EVL: variants seen among roughly 807,000 people sequenced by gnomAD.
EVL encodes the protein ena/VASP-like protein.
A neutral mutation model predicts 59.6 loss-of-function variants in EVL; 21 were observed. That is an observed-to-expected ratio of 0.35 (90% CI 0.25 to 0.51). The LOEUF (loss-of-function observed/expected upper bound fraction) is 0.51, where lower values mean the gene tolerates loss of function less well. EVL is among the 20% of genes least tolerant of loss of function. The pLI is 0.97. For synonymous variants in EVL, 198 were observed against 203.5 expected, an observed-to-expected ratio of 0.97 and a Z score of 0.23; for missense variants, 462 against 546.6, an observed-to-expected ratio of 0.85 and a Z score of 1.54.
At chr14:100,104,922 T>C (rs1314916432) in intron 3 of EVL, among the ~76,000 whole-genome samples, 1 of 147,932 alleles carries the variant, frequency 6.8e-6, no homozygotes, top group Non-Finnish European at 1.5e-5. Context: ...TTTTTTTTTT[T>C]TTTTTTAACT....
intron 1 of EVL, among the ~76,000 whole-genome samples, chr14:99,976,878 T>C (rs1042979348): frequency 6.6e-6 from 1 of 152,238 alleles, no homozygotes; most frequent in African/African-American, 2.4e-5. Flanking sequence ...CCTCAAACAC[T>C]GAGCTCACTT....
At chr14:100,016,558 A>C (rs890780392) in intron 1 of EVL, among the ~76,000 whole-genome samples, 8 of 152,182 alleles carry the variant, frequency 5.3e-5, no homozygotes, top group Non-Finnish European at 1.2e-4. Flanking sequence ...GCCTGGGCAA[A>C]AGAGCGAGAC....
chr14:100,132,738 T>A lies in EVL; in HGVS notation c.859T>A (p.Ser287Thr), dbSNP rs762755111. 2 of 1,614,086 alleles carry A rather than the reference T, an allele frequency of 1.2e-6. No homozygotes were observed. Among genetic ancestry groups the A allele is most frequent in the Non-Finnish European group, 1.7e-6 (2 of 1,180,012 alleles). ...LAKRRKAASQSDKPAEKKEDE... is the reference protein window; with the variant it reads ...LAKRRKAASQTDKPAEKKEDE... Reference sequence around the variant, plus strand: ...GCCTAGGAGAAAAGCAGCCTCCCAGTCAGACAAGCCAGCCGAGAAGAAGGA... The same window carrying A: ...GCCTAGGAGAAAAGCAGCCTCCCAGACAGACAAGCCAGCCGAGAAGAAGGA... Residue 287 changes from serine to threonine, a missense_variant, in exon 8 of 14, where the codon TCA (serine) becomes ACA (threonine). Ser to Thr is a moderately conservative substitution (Grantham distance 58, BLOSUM62 1). Transcript: ENST00000392920.
At position 100,123,526 on chromosome 14, in the gene EVL, T is replaced by G. The variant is rs1186632872; in HGVS notation, c.359-13T>G. The G allele has an allele frequency of 6.2e-7, 1 of 1,613,852 alleles. No individual in the cohort carries two copies. The highest frequency in any genetic ancestry group is 2.2e-5 in the East Asian group (1 of 44,874). On this transcript the variant is annotated splice_polypyrimidine_tract_variant and intron_variant, in intron 3 of 13. Coordinates refer to ENST00000392920, the MANE Select transcript of EVL (RefSeq NM_016337.3). ...CCTCTAACCACACTGTTTCTGTGCTTCTCTGCCCACAGGCCCCTCCAGCCA... is the reference window on the plus strand; with the variant it reads ...CCTCTAACCACACTGTTTCTGTGCTGCTCTGCCCACAGGCCCCTCCAGCCA...
chr14:100,073,022 G>A (rs1168483272), intron 1 of EVL, among the ~76,000 whole-genome samples: 9 of 152,202 alleles, frequency 5.9e-5, no homozygotes, highest in African/African-American at 4.8e-5. Flanking sequence ...GTTCTGATGC[G>A]GCTGTGATTT....
intron 3 of EVL, among the ~76,000 whole-genome samples, chr14:100,118,637 C>T (rs1435869878): frequency 6.6e-6 from 1 of 152,164 alleles, no homozygotes; most frequent in Admixed American, 6.5e-5. Flanking sequence ...ACCTCCTGGC[C>T]CCACTCCCCA....
In EVL at chr14:100,137,581, C is replaced by A; in HGVS notation, c.968C>A (p.Ala323Asp). The change falls in exon 10 of 14, where the codon GCT (alanine) becomes GAT (aspartate). Residue 323 changes from alanine (A) to aspartate (D), a missense_variant. Ala to Asp is a moderately radical substitution (Grantham distance 126). Transcript: ENST00000392920. ...CATCCATGAAATGAACTGACAGAGG[C>A]TGGCCGGAAGCCCTGGGAGCGGAGC... ...AASQPPNSSE[A>D]GRKPWERSNS... The A allele has an allele frequency of 6.2e-7, 1 of 1,613,940 alleles. No homozygotes were observed. Among genetic ancestry groups the A allele is most frequent in the Non-Finnish European group, 8.5e-7 (1 of 1,180,020 alleles).
chr14:100,065,511 G>GGT lies in EVL; in HGVS notation c.11+2_11+3dup. 1 of 1,522,898 alleles carries GGT rather than the reference G, an allele frequency of 6.6e-7. No homozygotes were observed. Among genetic ancestry groups the GGT allele is most frequent in the Non-Finnish European group, 8.9e-7 (1 of 1,124,178 alleles). 94.3% of individuals were successfully genotyped at this position (1,522,898 alleles called of 1,614,324 possible). A position where few individuals can be genotyped will look rare whatever the true frequency, so the allele number is the denominator to read the frequency against. ...TGCCACTTTTCAGCCATGGCCACAA[G>GGT]GTGAGTATTGGAACCAGTGCAGGGG... On this transcript the variant is annotated frameshift_variant and splice_region_variant. Coordinates refer to ENST00000392920, the MANE Select transcript of EVL (RefSeq NM_016337.3). LOFTEE classifies it high-confidence loss of function.
intron 1 of EVL, among the ~76,000 whole-genome samples, chr14:99,994,027 G>A (rs2060894246): frequency 7.0e-6 from 1 of 142,336 alleles, no homozygotes; most frequent in Admixed American, 7.1e-5. Flanking sequence ...TTGGTAGGTT[G>A]TATATTTTTA....
intron 1 of EVL, among the ~76,000 whole-genome samples, chr14:100,021,887 C>G (rs1315239702): frequency 1.3e-5 from 2 of 151,874 alleles, no homozygotes; most frequent in Non-Finnish European, 2.9e-5. Flanking sequence ...GGTGAACCAC[C>G]GGTCACTTGG....
In EVL at chr14:100,128,585, C is replaced by A; in HGVS notation, c.554C>A (p.Pro185Gln). 1 of 1,532,054 alleles carries A rather than the reference C, an allele frequency of 6.5e-7. No homozygotes were observed. Among genetic ancestry groups the A allele is most frequent in the Non-Finnish European group, 9.0e-7 (1 of 1,113,428 alleles). The allele number at this position is 1,532,054 out of a possible 1,614,324, so 94.9% of individuals were successfully genotyped here. ...ASAPVSCSGPPPPPPPPVPPP... is the reference protein window; with the variant it reads ...ASAPVSCSGPQPPPPPPVPPP... ...GCCCCCGTCTCATGTAGTGGGCCTC[C>A]ACCGCCCCCCCCACCCCCAGTCCCA... The change falls in exon 6 of 14, where the codon CCA (proline) becomes CAA (glutamine). Residue 185 changes from proline to glutamine, a missense_variant. Transcript: ENST00000392920.
chr14:100,005,361 C>A (rs1024276626), intron 1 of EVL, among the ~76,000 whole-genome samples: 9 of 152,072 alleles, frequency 5.9e-5, no homozygotes, highest in African/African-American at 2.2e-4. Flanking sequence ...ATATCAATAT[C>A]TTATTTATTA....
intron 1 of EVL, among the ~76,000 whole-genome samples, chr14:100,006,745 G>T (rs1205908933): frequency 1.3e-5 from 2 of 150,540 alleles, no homozygotes; most frequent in Admixed American, 1.3e-4. Flanking sequence ...CCATAAAGGA[G>T]TTCATGCCTT....
chr14:100,082,064 C>T lies in EVL; in HGVS notation c.12-2623C>T, dbSNP rs551795338. Among the ~76,000 whole-genome samples the T allele has an allele frequency of 1.3e-4, 20 of 152,342 alleles. No homozygotes were observed. In the East Asian group the frequency reaches 3.9e-3, roughly 29 times the overall value. On this transcript the variant is annotated intron_variant, in intron 1 of 13. Coordinates refer to ENST00000392920, the MANE Select transcript of EVL (RefSeq NM_016337.3). ...GCCTGAACCTGGGAGGCGGAGGTTG[C>T]AGTGAGCCAAGATCGCGCCACTGAG...
chr14:99,998,470 C>T (rs1327156199), intron 1 of EVL, among the ~76,000 whole-genome samples: 1 of 152,126 alleles, frequency 6.6e-6, no homozygotes, highest in Non-Finnish European at 1.5e-5. Context: ...TTTGTACAAG[C>T]ATTGTTATCT....
At chr14:100,111,274 A>C (rs1886971473) in intron 3 of EVL, among the ~76,000 whole-genome samples, 1 of 148,228 alleles carries the variant, frequency 6.7e-6, no homozygotes, top group Admixed American at 7.0e-5. Flanking sequence ...CTCCTGCCTC[A>C]GCCTCCCAAG....
chr14:99,971,891 C>G (rs1478573989), exon 1 of EVL: 1 of 147,396 alleles, frequency 6.8e-6, no homozygotes, highest in Admixed American at 6.8e-5. Context: ...CGACGCCCAC[C>G]CGGAGAAGAT....
chr14:100,110,545 G>A (rs1323315937), intron 3 of EVL, among the ~76,000 whole-genome samples: 2 of 152,050 alleles, frequency 1.3e-5, no homozygotes, highest in African/African-American at 2.4e-5. Flanking sequence ...TGAATGGGGG[G>A]ATCTGATGAG....
At chr14:100,097,352 C>A in intron 2 of EVL, 129 bp from the exon 3 acceptor site, 1 of 774,150 alleles carries the variant, frequency 1.3e-6, no homozygotes, top group South Asian at 1.9e-5. Context: ...TATTGCTTTT[C>A]CCTTCTTCAA....
Sources: allele counts gnomAD v4.1 joint callset (sites outside exome capture counted in the v4.1 genomes callset), GRCh38; gene constraint gnomAD v4.1.1; transcripts MANE v1.5; gene names NCBI Gene and HGNC (gene_info 2026-07-23, HGNC 2026-07-21).